Variants in SERPINI2 observed in about 807,000 individuals in gnomAD.
SERPINI2 encodes the protein serpin I2.
A neutral mutation model predicts 47.3 loss-of-function variants in SERPINI2; 48 were observed. That is an observed-to-expected ratio of 1.02 (90% CI 0.81 to 1.29). The LOEUF (loss-of-function observed/expected upper bound fraction) is 1.29. SERPINI2 is among the 50% of genes most tolerant of loss of function. SERPINI2 has a pLI of 0.00. For synonymous variants in SERPINI2, 135 were observed against 149.3 expected, an observed-to-expected ratio of 0.90 and a Z score of 0.70; for missense variants, 448 against 456.9, an observed-to-expected ratio of 0.98 and a Z score of 0.18.
chr3:167,443,848 C>A (rs1304758672), intron 8 of SERPINI2, among the ~76,000 whole-genome samples: 1 of 152,088 alleles, frequency 6.6e-6, no homozygotes, highest in African/African-American at 2.4e-5. Context: ...CTAAATTGGG[C>A]AGATTAATAA....
At chr3:167,471,900 G>T in intron 1 of SERPINI2, 56 bp from the exon 2 acceptor site, 2 of 1,375,962 alleles carry the variant, frequency 1.5e-6, no homozygotes, top group Non-Finnish European at 2.0e-6. Context: ...TCCACAGAGA[G>T]CTCAACAGAA....
chr3:167,449,536 C>A (rs1015227808), intron 6 of SERPINI2, 134 bp from the exon 7 acceptor site: 19 of 408,836 alleles, frequency 4.6e-5, no homozygotes, highest in Non-Finnish European at 7.8e-5. Flanking sequence ...GCTCTGTCAC[C>A]CAGGCTGAAG....
intron 6 of SERPINI2, among the ~76,000 whole-genome samples, chr3:167,450,924 T>C (rs1398534922): frequency 6.6e-6 from 1 of 152,330 alleles, no homozygotes; most frequent in South Asian, 2.1e-4. Flanking sequence ...GAACAGGCCC[T>C]GAAATATGAT....
At chr3:167,452,625 C>A (rs1257893192) in intron 6 of SERPINI2, among the ~76,000 whole-genome samples, 1 of 152,078 alleles carries the variant, frequency 6.6e-6, no homozygotes, top group East Asian at 1.9e-4. Flanking sequence ...GTTGTAATTC[C>A]CATTATTCAG....
upstream of SERPINI2, chr3:167,474,228 A>G: frequency 3.3e-6 from 2 of 611,280 alleles, no homozygotes; most frequent in South Asian, 1.4e-4. Context: ...TGAGAAAAAA[A>G]CAATTATAGA....
upstream of SERPINI2, among the ~76,000 whole-genome samples, chr3:167,474,931 G>A (rs976064804): frequency 6.6e-6 from 1 of 151,508 alleles, no homozygotes; most frequent in Non-Finnish European, 1.5e-5. Flanking sequence ...TACTATTTCT[G>A]ATAAACTCAT....
chr3:167,472,049 C>T (rs1230893020), intron 1 of SERPINI2: 1 of 486,406 alleles, frequency 2.1e-6, no homozygotes, highest in East Asian at 3.0e-5. Context: ...TCTTCAAGAA[C>T]CAGTAGAAAA....
chr3:167,456,409 A>G (rs1000871670), intron 5 of SERPINI2, among the ~76,000 whole-genome samples: 2 of 152,110 alleles, frequency 1.3e-5, no homozygotes, highest in Admixed American at 1.3e-4. Context: ...CCACCCACAC[A>G]CAATTTACAT....
chr3:167,457,676 G>A (rs1195434514), intron 5 of SERPINI2, among the ~76,000 whole-genome samples: 1 of 152,146 alleles, frequency 6.6e-6, no homozygotes, highest in Admixed American at 6.5e-5. Flanking sequence ...GCTTTTTGCT[G>A]CAGTCACAGA....
chr3:167,467,241 C>G, exon 3 of SERPINI2: 1 of 1,612,694 alleles, frequency 6.2e-7, no homozygotes, highest in Non-Finnish European at 8.5e-7. Context: ...TGTTTTTTCT[C>G]TGAGATGGCA....
chr3:167,474,425 A>G (rs967868099), upstream of SERPINI2, among the ~76,000 whole-genome samples: 4 of 151,746 alleles, frequency 2.6e-5, no homozygotes, highest in East Asian at 3.9e-4. Flanking sequence ...CAGAATGCCT[A>G]TGAGAAAAAG....
At chr3:167,467,912 T>C (rs1321959800) in intron 2 of SERPINI2, among the ~76,000 whole-genome samples, 1 of 152,184 alleles carries the variant, frequency 6.6e-6, no homozygotes. Context: ...CCATTTTAAC[T>C]CTAACCACTA....
chr3:167,450,811 G>C (rs906617196), intron 6 of SERPINI2, among the ~76,000 whole-genome samples: 1 of 152,054 alleles, frequency 6.6e-6, no homozygotes. Flanking sequence ...ATTTCACCCA[G>C]TTTAGCAATG....
intron 5 of SERPINI2, among the ~76,000 whole-genome samples, chr3:167,459,162 C>T (rs1008923204): frequency 2.1e-4 from 31 of 150,942 alleles, no homozygotes; most frequent in Non-Finnish European, 4.3e-4. Flanking sequence ...GCAAGCTCCG[C>T]CTCCCGGGTT....
rs754088365 is a variant in SERPINI2 at position 167,473,715 on chromosome 3, T to C, written c.-11+288A>G. 63 of 1,350,322 alleles carry C rather than the reference T, an allele frequency of 4.7e-5. 2 individuals are homozygous for C. In the South Asian group the frequency reaches 8.5e-4, roughly 18 times the overall value. The allele number at this position is 1,350,322 out of a possible 1,614,324, so 83.6% of individuals were successfully genotyped here. A position where few individuals can be genotyped will look rare whatever the true frequency, so the allele number is the denominator to read the frequency against. ...AATAAATTATAACCTCAGACAAATA[T>C]TGGTTTTAAAAACTCACTTACCTCA... On this transcript the variant is annotated intron_variant, in intron 1 of 8. Coordinates refer to ENST00000264677, the Ensembl canonical transcript of SERPINI2.
intron 1 of SERPINI2, among the ~76,000 whole-genome samples, chr3:167,472,961 A>G (rs1750378249): frequency 6.6e-6 from 1 of 151,738 alleles, no homozygotes; most frequent in African/African-American, 2.4e-5. Context: ...GTAAAGATGA[A>G]AGCCTTTAGA....
intron 1 of SERPINI2, among the ~76,000 whole-genome samples, chr3:167,473,027 C>A (rs1376432985): frequency 6.6e-6 from 1 of 151,558 alleles, no homozygotes; most frequent in African/African-American, 2.4e-5. Context: ...TTTTGCAGAT[C>A]ATTAAGGGTA....
intron 5 of SERPINI2, among the ~76,000 whole-genome samples, chr3:167,463,163 G>A (rs1417611859): frequency 6.6e-6 from 1 of 151,574 alleles, no homozygotes; most frequent in African/African-American, 2.4e-5. Flanking sequence ...CCAAGAAAGT[G>A]ATCATTTCAA....
At chr3:167,454,080 G>C (rs1749722931) in intron 5 of SERPINI2, among the ~76,000 whole-genome samples, 1 of 152,226 alleles carries the variant, frequency 6.6e-6, no homozygotes, top group Non-Finnish European at 1.5e-5. Flanking sequence ...TCTGGGCATT[G>C]ACCCCTGTGC....
Sources: gnomAD v4.1 joint callset for allele counts (sites outside exome capture counted in the v4.1 genomes callset) on GRCh38, gnomAD v4.1.1 for gene constraint, MANE v1.5 for transcripts, NCBI Gene and HGNC (gene_info 2026-07-23, HGNC 2026-07-21) for gene names.